The following IL17RC variants were observed in gnomAD, a reference collection of about 807,000 sequenced individuals.
The protein encoded by IL17RC is interleukin 17 receptor C.
A neutral mutation model predicts 86.7 loss-of-function variants in IL17RC; 53 were observed. That is an observed-to-expected ratio of 0.61 (90% CI 0.49 to 0.77). The LOEUF is 0.77. IL17RC is among the 30% of genes least tolerant of loss of function. The pLI is 0.00. For synonymous variants in IL17RC, 439 were observed against 413.1 expected (o/e 1.06, Z -0.76); for missense variants, 957 against 940.0 (o/e 1.02, Z -0.24).
Position 9,932,973 on chromosome 3 carries a change from G to A in IL17RC, c.1543G>A (p.Ala515Thr). The change falls in exon 19 of 19, where the codon GCT becomes ACT. Residue 515 changes from alanine (A) to threonine (T), a missense_variant. Coordinates refer to ENST00000403601, the MANE Select transcript of IL17RC (RefSeq NM_153460.4). ...RSGAAARGRA[A>T]LLLYSADDSG... is the part of the protein sequence containing the mutation. The stretch of plus-strand genomic sequence containing the variant: ...GGCAGCGGCCGCCAGGGGCCGCGCG[G>A]CTCTGCTCCTCTACTCAGCCGATGA... 2 of 1,605,824 alleles carry A rather than the reference G, an allele frequency of 1.2e-6. No homozygotes were observed. Among genetic ancestry groups the A allele is most frequent in the South Asian group, 2.2e-5 (2 of 90,478 alleles).
At position 9,917,265 on chromosome 3, in the gene IL17RC, G is replaced by T. The variant is rs60694738; in HGVS notation, c.-51G>T. The T allele has an allele frequency of 1.4e-6, 2 of 1,457,750 alleles. No individual in the cohort carries two copies. Among genetic ancestry groups the T allele is most frequent in the Non-Finnish European group, 1.9e-6 (2 of 1,071,138 alleles). 90.3% of individuals were successfully genotyped at this position (1,457,750 alleles called of 1,614,324 possible). On this transcript the variant is annotated 5_prime_UTR_variant, in exon 1 of 19. Transcript: ENST00000403601. ...CTGACTGGGGTGTCTGCCCCCCTTG[G>T]GGGGGGGCAGCACAGGGCCTCAGGC...
intron 9 of IL17RC, among the ~76,000 whole-genome samples, chr3:9,926,684 G>A (rs1347519227): frequency 1.3e-5 from 2 of 151,708 alleles, no homozygotes; most frequent in South Asian, 4.2e-4. Context: ...GTACAGTGGC[G>A]TGATCTCGGC....
intron 9 of IL17RC, 21 bp from the exon 10 acceptor site, chr3:9,928,145 A>C (rs2084272574): frequency 1.2e-6 from 2 of 1,613,566 alleles, no homozygotes; most frequent in Admixed American, 3.3e-5. Flanking sequence ...GGACCTGAGC[A>C]GACCCCCATT....
Position 9,917,401 on chromosome 3 carries a change from A to G in IL17RC, c.86A>G (p.Asp29Gly), listed in dbSNP as rs763577300. 2.5e-6 allele frequency: 4 copies of G among 1,614,064 alleles called. No individual in the cohort carries two copies. In the East Asian group the frequency reaches 8.9e-5, roughly 36 times the overall value. Residue 29 changes from aspartate (D) to glycine (G), a missense_variant, in exon 1 of 19, where the codon GAC becomes GGC. Physicochemically the swap from Asp to Gly is moderately conservative, Grantham distance 94. Coordinates refer to ENST00000403601, the MANE Select transcript of IL17RC (RefSeq NM_153460.4). Reference sequence around the variant, plus strand: ...CTGGAGAGGCTTGTGGGGCCTCAGGACGCTACCCACTGCTCTCCGGTGAGT... The same window carrying G: ...CTGGAGAGGCTTGTGGGGCCTCAGGGCGCTACCCACTGCTCTCCGGTGAGT... ...LSLERLVGPQ[D>G]ATHCSPGLSC...
Position 9,933,520 on chromosome 3 carries a change from A to G in IL17RC, c.2090A>G (p.His697Arg), listed in dbSNP as rs751044077. Residue 697 changes from histidine (H) to arginine (R), a missense_variant, in exon 19 of 19, where the codon CAT (histidine) becomes CGT (arginine). Physicochemically the swap from His to Arg is conservative, Grantham distance 29. Transcript: ENST00000403601. ...ALQPALDSYF[H>R]PPGTPAPGRG... is the part of the protein sequence containing the mutation. ...CAGCCAGCCCTGGATAGCTACTTCC[A>G]TCCCCCGGGGACTCCCGCGCCGGGA... The G allele has an allele frequency of 6.2e-7, 1 of 1,609,142 alleles. No individual in the cohort carries two copies. The highest frequency in any genetic ancestry group is 8.5e-7 in the Non-Finnish European group (1 of 1,178,264).
At chr3:9,921,952 CTTTT>C (rs35608782) in intron 7 of IL17RC, among the ~76,000 whole-genome samples, 11 of 88,206 alleles carry the variant, frequency 1.2e-4, no homozygotes, top group African/African-American at 4.3e-4. Context: ...ATGTCCAGTT[CTTTT>C]TTTTTTTTTT....
At position 9,932,710 on chromosome 3, in the gene IL17RC, G is replaced by A. The variant is rs754488975; in HGVS notation, c.1483+7G>A. On this transcript the variant is annotated splice_region_variant and intron_variant, in intron 17 of 18. Transcript: ENST00000403601. ...AAAAAGGATCACGCGAAAGGTGAGCGCTTCCCGGCTCCCCATTCCCCTGGG... is the reference window on the plus strand; with the variant it reads ...AAAAAGGATCACGCGAAAGGTGAGCACTTCCCGGCTCCCCATTCCCCTGGG... The A allele has an allele frequency of 6.2e-7, 1 of 1,614,004 alleles. No homozygotes were observed. The highest frequency in any genetic ancestry group is 2.2e-5 in the East Asian group (1 of 44,872).
At chr3:9,932,573 G>A (rs2084845503) in intron 16 of IL17RC, 35 bp from the exon 17 acceptor site, 2 of 1,580,096 alleles carry the variant, frequency 1.3e-6, no homozygotes, top group African/African-American at 2.7e-5. Flanking sequence ...TCTGTGGAGG[G>A]TAAGTTTCTA....
At chr3:9,920,669 C>A in intron 6 of IL17RC, 67 bp downstream of exon 6, 1 of 1,098,368 alleles carries the variant, frequency 9.1e-7, no homozygotes, top group Non-Finnish European at 1.4e-6. Context: ...CTCCTGATTT[C>A]ACCCTCTTCT....
At position 9,930,396 on chromosome 3, in the gene IL17RC, G is replaced by A; in HGVS notation, c.1279-4G>A. 1 of 1,614,014 alleles carries A rather than the reference G, an allele frequency of 6.2e-7. No individual in the cohort carries two copies. Among genetic ancestry groups the A allele is most frequent in the Non-Finnish European group, 8.5e-7 (1 of 1,180,018 alleles). On this transcript the variant is annotated splice_polypyrimidine_tract_variant and splice_region_variant and intron_variant, in intron 14 of 18. Transcript: ENST00000403601. The surrounding 1 kb of genome is among the most constrained non-coding windows in gnomAD (Gnocchi z 5.8). ...AACAGTGCCCCCATCCTTTGGCTTG[G>A]CAGAGGGCAGCTCGCCTTGGAGAGT...
At chr3:9,917,689 G>A (rs759417485) in intron 1 of IL17RC, 24 bp from the exon 2 acceptor site, 3 of 1,613,836 alleles carry the variant, frequency 1.9e-6, no homozygotes, top group Non-Finnish European at 2.5e-6. Flanking sequence ...CACAAATTCT[G>A]ACTCTCCTTT....
intron 17 of IL17RC, 27 bp downstream of exon 17, chr3:9,932,730 C>T: frequency 6.2e-7 from 1 of 1,612,822 alleles, no homozygotes; most frequent in Non-Finnish European, 8.5e-7. Context: ...TCCCCATTCC[C>T]CTGGGGGAGG....
intron 7 of IL17RC, among the ~76,000 whole-genome samples, chr3:9,922,727 G>T (rs918198160): frequency 6.6e-6 from 1 of 152,168 alleles, no homozygotes; most frequent in Non-Finnish European, 1.5e-5. Context: ...TTGTGGAAGG[G>T]CTGGGGAAGG....
In IL17RC at chr3:9,932,815, A is replaced by G. The variant is rs1217761939; in HGVS notation, c.1484-5A>G. The G allele has an allele frequency of 1.3e-6, 2 of 1,569,116 alleles. No homozygotes were observed. The highest frequency in any genetic ancestry group is 2.7e-5 in the African/African-American group (2 of 73,392). ...CTGGCTGCCTCCGCCCCTCTCCCCTAACAGGGTGGCTGAGGCTCTTGAAAC... is the reference window on the plus strand; with the variant it reads ...CTGGCTGCCTCCGCCCCTCTCCCCTGACAGGGTGGCTGAGGCTCTTGAAAC... On this transcript the variant is annotated splice_polypyrimidine_tract_variant and splice_region_variant and intron_variant, in intron 17 of 18. Coordinates refer to ENST00000403601, the MANE Select transcript of IL17RC (RefSeq NM_153460.4).
chr3:9,924,230 A>G lies in IL17RC; in HGVS notation c.763-2A>G. 6.2e-7 allele frequency: 1 copy of G among 1,614,090 alleles called. No homozygotes were observed. The highest frequency in any genetic ancestry group is 2.2e-5 in the East Asian group (1 of 44,882). ...AACCTCCTTCCTTTATTTGTTCCAC[A>G]GACTGGACCGCAGATCATTACCTTG... On this transcript the variant is annotated splice_acceptor_variant, in intron 8 of 18. Coordinates refer to ENST00000403601, the MANE Select transcript of IL17RC (RefSeq NM_153460.4). LOFTEE classifies it high-confidence loss of function.
intron 16 of IL17RC, among the ~76,000 whole-genome samples, 199 bp downstream of exon 16, chr3:9,931,142 C>T (rs532619580): frequency 1.5e-4 from 23 of 152,168 alleles, no homozygotes; most frequent in Admixed American, 1.1e-3. Context: ...TCCTTGCCCC[C>T]GCCCCACCCC....
In IL17RC at chr3:9,917,360, C is replaced by G. The variant is rs1413047376; in HGVS notation, c.45C>G (p.Ser15Arg). The G allele has an allele frequency of 6.2e-7, 1 of 1,614,172 alleles. No individual in the cohort carries two copies. Among genetic ancestry groups the G allele is most frequent in the Non-Finnish European group, 8.5e-7 (1 of 1,180,006 alleles). The change falls in exon 1 of 19, where the codon AGC becomes AGG. Residue 15 changes from serine to arginine, a missense_variant. Coordinates refer to ENST00000403601, the MANE Select transcript of IL17RC (RefSeq NM_153460.4). ...TGCTGTCCTTGGCACTGGGCCGAAG[C>G]CCAGTGGTCCTTTCTCTGGAGAGGC... Reference protein sequence around the residue: ...WFLLSLALGRSPVVLSLERLV... With the variant: ...WFLLSLALGRRPVVLSLERLV...
Position 9,918,522 on chromosome 3 carries a change from G to GCTCT in IL17RC, c.380_383dup (p.Phe129LeufsTer34), listed in dbSNP as rs775895904. The GCTCT allele has an allele frequency of 6.2e-7, 1 of 1,614,130 alleles. No individual in the cohort carries two copies. The highest frequency in any genetic ancestry group is 2.2e-5 in the East Asian group (1 of 44,888). On this transcript the variant is annotated frameshift_variant, in exon 5 of 19. Coordinates refer to ENST00000403601, the MANE Select transcript of IL17RC (RefSeq NM_153460.4). LOFTEE classifies it high-confidence loss of function. ...CAGCCTCTCTCCAGGCCCAAGTCGT[G>GCTCT]CTCTCCTTCCAGGCCTACCCTACTG...
chr3:9,917,902 C>T (rs912867856), intron 2 of IL17RC, 21 bp from the exon 3 acceptor site: 2 of 1,612,820 alleles, frequency 1.2e-6, no homozygotes, highest in Admixed American at 3.3e-5. Context: ...CTTCAGCTCC[C>T]ACCCGCTCCT....
Sources: allele counts gnomAD v4.1 joint callset (sites outside exome capture counted in the v4.1 genomes callset), GRCh38; gene constraint gnomAD v4.1.1; non-coding constraint Gnocchi (gnomAD v3.1); transcripts MANE v1.5; gene names NCBI Gene and HGNC (gene_info 2026-07-23, HGNC 2026-07-21).